Variants in SORCS3 observed in about 807,000 individuals in gnomAD.
SORCS3 encodes the protein VPS10 domain-containing receptor SorCS3.
Under a neutral mutation model 146.3 loss-of-function variants are expected in SORCS3, and 57 were observed. The observed-to-expected ratio is 0.39, with a 90% CI of 0.31 to 0.49. SORCS3 has a LOEUF of 0.49. Ranked by LOEUF, SORCS3 falls within the 20% of genes least tolerant of loss-of-function variation. SORCS3 has a pLI of 0.92. For synonymous variants in SORCS3, 653 were observed against 618.5 expected (o/e 1.06, Z -0.83); for missense variants, 1,341 against 1,575.5 (o/e 0.85, Z 2.52).
intron 1 of SORCS3, among the ~76,000 whole-genome samples, chr10:104,749,836 A>C (rs931291579): frequency 6.6e-6 from 1 of 152,088 alleles, no homozygotes; most frequent in African/African-American, 2.4e-5. Context: ...TGATTTCCTC[A>C]TGGAAAGATT....
At chr10:104,696,408 TAG>T (rs373609718) in intron 1 of SORCS3, among the ~76,000 whole-genome samples, 1 of 51,456 alleles carries the variant, frequency 1.9e-5, no homozygotes, top group Non-Finnish European at 4.0e-5. Flanking sequence ...ATATATAATA[TAG>T]AATATATATA....
At chr10:105,106,865 G>T (rs988242808) in intron 7 of SORCS3, among the ~76,000 whole-genome samples, 4 of 152,152 alleles carry the variant, frequency 2.6e-5, no homozygotes, top group Admixed American at 6.6e-5. Flanking sequence ...GTAAGTGTTT[G>T]TTTATTGAAC....
At chr10:104,883,556 G>C (rs1015987456) in intron 2 of SORCS3, among the ~76,000 whole-genome samples, 1 of 152,180 alleles carries the variant, frequency 6.6e-6, no homozygotes, top group Admixed American at 6.5e-5. Flanking sequence ...AAAAAGCTTG[G>C]TGGAGAGTCT....
In SORCS3 at chr10:104,883,975, T is replaced by TGGG. The variant is rs146493237; in HGVS notation, c.696-31857_696-31856insGGG. The stretch of plus-strand genomic sequence containing the variant: ...CTACATCCACTGTTCTGCTGTGGAA[T>TGGG]GAGGGGGGGGAAAGGGTCCTACCCT... On this transcript the variant is annotated intron_variant, in intron 2 of 26. Transcript: ENST00000369701. Among the ~76,000 whole-genome samples the TGGG allele has an allele frequency of 5.6e-3, 815 of 145,490 alleles. 5 individuals carry two copies. Among genetic ancestry groups the TGGG allele is most frequent in the African/African-American group, 6.5e-3 (240 of 37,028 alleles).
rs113176469 is a variant in SORCS3 at position 104,815,061 on chromosome 10, A to C, written c.628-27731A>C. Among the ~76,000 whole-genome samples the C allele has an allele frequency of 7.4e-4, 113 of 152,250 alleles. 1 individual carries two copies. The highest frequency in any genetic ancestry group is 2.6e-3 in the African/African-American group (106 of 41,550). On this transcript the variant is annotated intron_variant, in intron 1 of 26. Coordinates refer to ENST00000369701, the MANE Select transcript of SORCS3 (RefSeq NM_014978.3). ...AGCTTGCAGTCTGAAGGAGGAGAAA[A>C]GACAAACAGCACTGATGGAAGGAGG... is the stretch of plus-strand genomic sequence containing the variant.
At chr10:104,927,329 A>G (rs988459791) in intron 3 of SORCS3, among the ~76,000 whole-genome samples, 1 of 152,228 alleles carries the variant, frequency 6.6e-6, no homozygotes, top group Non-Finnish European at 1.5e-5. Flanking sequence ...TAGTTGCTCA[A>G]TAAAGCCTCT....
intron 1 of SORCS3, among the ~76,000 whole-genome samples, chr10:104,686,847 A>T (rs2016049831): frequency 6.6e-6 from 1 of 152,078 alleles, no homozygotes; most frequent in Non-Finnish European, 1.5e-5. Flanking sequence ...CCATTCATTC[A>T]TCCACCTACC....
intron 4 of SORCS3, among the ~76,000 whole-genome samples, chr10:105,029,164 T>A (rs1278973766): frequency 6.6e-6 from 1 of 152,210 alleles, no homozygotes. Flanking sequence ...CCAGAGATTC[T>A]GATTTAATTT....
chr10:104,720,796 A>G (rs1012450367), intron 1 of SORCS3, among the ~76,000 whole-genome samples: 3 of 152,140 alleles, frequency 2.0e-5, no homozygotes, highest in African/African-American at 7.2e-5. Context: ...GTCTGTTCAT[A>G]TCCTTTGCCC....
chr10:104,792,647 G>A (rs912573955), intron 1 of SORCS3, among the ~76,000 whole-genome samples: 1 of 152,098 alleles, frequency 6.6e-6, no homozygotes, highest in African/African-American at 2.4e-5. Flanking sequence ...TTGGTATCAA[G>A]GTGGCTAAAA....
chr10:105,096,804 C>G (rs766663912), intron 6 of SORCS3, among the ~76,000 whole-genome samples: 1 of 152,106 alleles, frequency 6.6e-6, no homozygotes, highest in East Asian at 1.9e-4. Context: ...CTGTCCAAAT[C>G]AAGCTGTGCT....
At chr10:105,242,844 T>A (rs2056842514) in intron 20 of SORCS3, among the ~76,000 whole-genome samples, 2 of 104,758 alleles carry the variant, frequency 1.9e-5, no homozygotes, top group Admixed American at 1.4e-4. Context: ...ATATATATTT[T>A]TATATATAAA....
At chr10:104,897,783 G>A (rs1325147557) in intron 2 of SORCS3, among the ~76,000 whole-genome samples, 1 of 152,176 alleles carries the variant, frequency 6.6e-6, no homozygotes, top group African/African-American at 2.4e-5. Context: ...TCCTGGGAAT[G>A]GAATGCTTTG....
chr10:105,264,677 A>C lies in SORCS3; in HGVS notation c.*1303A>C, dbSNP rs2056981217. On this transcript the variant is annotated 3_prime_UTR_variant, in exon 27 of 27. Transcript: ENST00000369701. ...ATGTACACAACTTCCTTAAAGTCAA[A>C]TGTCTGCCTTCAGTTCCCTTAAGGT... The C allele has an allele frequency of 6.6e-6, 1 of 152,632 alleles. No individual in the cohort carries two copies. Among genetic ancestry groups the C allele is most frequent in the African/African-American group, 2.4e-5 (1 of 41,456 alleles). 9.5% of individuals were successfully genotyped at this position (152,632 alleles called of 1,614,324 possible). A position where few individuals can be genotyped will look rare whatever the true frequency, so the allele number is the denominator to read the frequency against.
chr10:105,108,278 T>G (rs1210867116), intron 7 of SORCS3, among the ~76,000 whole-genome samples: 7 of 151,714 alleles, frequency 4.6e-5, no homozygotes. Context: ...AGATGGGGAG[T>G]GGGCAGTTAG....
intron 1 of SORCS3, among the ~76,000 whole-genome samples, chr10:104,734,879 G>A (rs1233898759): frequency 6.6e-6 from 1 of 152,162 alleles, no homozygotes; most frequent in Admixed American, 6.5e-5. Context: ...AATTAACACT[G>A]ACCTCCTACA....
intron 5 of SORCS3, among the ~76,000 whole-genome samples, chr10:105,056,706 G>T (rs2055448303): frequency 6.6e-6 from 1 of 152,078 alleles, no homozygotes. Flanking sequence ...CCATTCTCTG[G>T]TGAAAAATTA....
chr10:105,218,945 G>T (rs1191105267), intron 19 of SORCS3, among the ~76,000 whole-genome samples: 1 of 152,144 alleles, frequency 6.6e-6, no homozygotes, highest in East Asian at 1.9e-4. Context: ...AACCTGGGAG[G>T]CGGAGGTTGC....
intron 4 of SORCS3, among the ~76,000 whole-genome samples, chr10:105,016,026 C>A (rs35561724): frequency 0.099 from 14,949 of 150,578 alleles, 1,020 homozygotes; most frequent in Middle Eastern, 0.17. Flanking sequence ...CTGCACCCAG[C>A]TGTAAGGTTC....
Sources: gnomAD v4.1 joint callset for allele counts (sites outside exome capture counted in the v4.1 genomes callset) on GRCh38, gnomAD v4.1.1 for gene constraint, MANE v1.5 for transcripts, NCBI Gene and HGNC (gene_info 2026-07-23, HGNC 2026-07-21) for gene names.